KLHL1: variants seen among roughly 807,000 people sequenced by gnomAD.
The protein encoded by KLHL1 is kelch like family member 1.
KLHL1 carries 47 observed loss-of-function variants against 77.7 expected under a neutral mutation model. That is an observed-to-expected ratio of 0.60 (90% CI 0.48 to 0.77). The LOEUF is 0.77. Among genes scored for constraint, KLHL1 ranks in the 30% least tolerant of loss-of-function variants. The pLI, the probability that KLHL1 is intolerant of heterozygous loss-of-function variation, is 0.00. For missense variants in KLHL1, 925 were observed against 910.8 expected, an observed-to-expected ratio of 1.02 and a Z score of -0.20; for synonymous variants, 360 against 325.2, an observed-to-expected ratio of 1.11 and a Z score of -1.15.
At chr13:70,061,512 T>C (rs1886885477) in intron 1 of KLHL1, among the ~76,000 whole-genome samples, 1 of 152,096 alleles carries the variant, frequency 6.6e-6, no homozygotes, top group Admixed American at 6.6e-5. Context: ...CTCTCTTTAT[T>C]TCCCTTTATC....
chr13:70,048,895 A>T (rs553303273), intron 1 of KLHL1, among the ~76,000 whole-genome samples: 35 of 152,300 alleles, frequency 2.3e-4, no homozygotes, highest in African/African-American at 7.5e-4. Flanking sequence ...TGAAAGGGGC[A>T]GAAAGTAGGC....
chr13:69,999,186 C>A (rs759036895), intron 1 of KLHL1, among the ~76,000 whole-genome samples: 2 of 152,036 alleles, frequency 1.3e-5, no homozygotes. Context: ...TATAATGTAA[C>A]ATAATCACAG....
chr13:69,832,954 A>C (rs1878822293), intron 6 of KLHL1, among the ~76,000 whole-genome samples: 1 of 152,184 alleles, frequency 6.6e-6, no homozygotes, highest in African/African-American at 2.4e-5. Context: ...AATCAACTCA[A>C]TATGAATCAA....
chr13:69,778,587 G>A (rs1875954526), intron 7 of KLHL1, among the ~76,000 whole-genome samples: 1 of 152,060 alleles, frequency 6.6e-6, no homozygotes, highest in African/African-American at 2.4e-5. Context: ...AAATCATGTT[G>A]AAGATTACTC....
chr13:70,101,356 AG>A (rs1330875365), intron 1 of KLHL1, among the ~76,000 whole-genome samples: 10 of 152,084 alleles, frequency 6.6e-5, no homozygotes, highest in Non-Finnish European at 1.5e-4. Context: ...TATAAACTAC[AG>A]TTTATACTAC....
intron 9 of KLHL1, among the ~76,000 whole-genome samples, 160 bp downstream of exon 9, chr13:69,719,209 T>TGTGA (rs879782405): frequency 7.3e-4 from 27 of 36,862 alleles, no homozygotes; most frequent in Non-Finnish European, 9.7e-4. Flanking sequence ...TGTGTGTGTG[T>TGTGA]GAGAGAGAGA....
intron 8 of KLHL1, among the ~76,000 whole-genome samples, chr13:69,732,848 G>A (rs1239128513): frequency 6.6e-6 from 1 of 152,054 alleles, no homozygotes; most frequent in Admixed American, 6.6e-5. Context: ...TGGGTCCCAG[G>A]TCTTTCCTTC....
chr13:70,020,079 A>C (rs2439665), intron 1 of KLHL1, among the ~76,000 whole-genome samples: 112,040 of 151,950 alleles, frequency 0.74, 41,414 homozygotes, highest in East Asian at 0.85. Context: ...CTTGGACTTC[A>C]CAGCCTTCAT....
chr13:69,775,820 G>T (rs945499620), intron 7 of KLHL1, among the ~76,000 whole-genome samples: 5 of 151,632 alleles, frequency 3.3e-5, no homozygotes, highest in Admixed American at 6.6e-5. Context: ...CACGGAAAGG[G>T]GCTCTCCCAA....
At chr13:70,007,503 T>A (rs1885433848) in intron 1 of KLHL1, among the ~76,000 whole-genome samples, 1 of 151,604 alleles carries the variant, frequency 6.6e-6, no homozygotes, top group South Asian at 2.1e-4. Flanking sequence ...GTTCCTGGCA[T>A]ACATAGGATA....
intron 7 of KLHL1, among the ~76,000 whole-genome samples, chr13:69,741,513 G>A (rs562495588): frequency 1.3e-5 from 2 of 152,046 alleles, no homozygotes; most frequent in Non-Finnish European, 2.9e-5. Context: ...ATTACTCATA[G>A]CAACAGCAAT....
intron 1 of KLHL1, among the ~76,000 whole-genome samples, chr13:70,075,600 C>CACAT (rs1212475485): frequency 1.3e-4 from 8 of 63,634 alleles, no homozygotes; most frequent in African/African-American, 4.9e-4. Flanking sequence ...CACACACACA[C>CACAT]ATATATATAG....
intron 9 of KLHL1, among the ~76,000 whole-genome samples, chr13:69,715,424 C>G (rs1229142851): frequency 6.6e-6 from 1 of 152,044 alleles, no homozygotes; most frequent in East Asian, 1.9e-4. Flanking sequence ...TGCCCGCTTC[C>G]CCTTCTCCCA....
intron 7 of KLHL1, among the ~76,000 whole-genome samples, chr13:69,790,980 A>AAACAT (rs1367131542): frequency 6.6e-6 from 1 of 152,160 alleles, no homozygotes; most frequent in African/African-American, 2.4e-5. Context: ...AAAAAAGGAG[A>AAACAT]AACATATTTA....
chr13:70,045,458 G>C (rs1298317264), intron 1 of KLHL1, among the ~76,000 whole-genome samples: 3 of 152,044 alleles, frequency 2.0e-5, no homozygotes, highest in Non-Finnish European at 2.9e-5. Flanking sequence ...CTGTCAGAAA[G>C]AGGGCTAGAA....
intron 7 of KLHL1, among the ~76,000 whole-genome samples, chr13:69,784,961 C>T (rs1876440783): frequency 7.2e-6 from 1 of 138,542 alleles, no homozygotes; most frequent in African/African-American, 2.7e-5. Flanking sequence ...GGGATCTCAG[C>T]TCACTGCAAG....
chr13:69,961,587 T>C, intron 2 of KLHL1, 143 bp from the exon 3 acceptor site: 1 of 832,236 alleles, frequency 1.2e-6, no homozygotes, highest in Non-Finnish European at 1.8e-6. Flanking sequence ...GAGTTGTACT[T>C]TACAAAACTG....
chr13:69,765,136 G>A (rs1226612468), intron 7 of KLHL1, among the ~76,000 whole-genome samples: 1 of 151,034 alleles, frequency 6.6e-6, no homozygotes, highest in East Asian at 2.0e-4. Context: ...TTTTCGAGTA[G>A]AGATGGGATT....
intron 5 of KLHL1, among the ~76,000 whole-genome samples, chr13:69,857,142 C>T (rs887335477): frequency 1.1e-4 from 16 of 152,016 alleles, no homozygotes; most frequent in Non-Finnish European, 5.9e-5. Context: ...GACTTCTATG[C>T]TGTAGATTTT....
Sources: gnomAD v4.1 joint callset for allele counts (sites outside exome capture counted in the v4.1 genomes callset) on GRCh38, gnomAD v4.1.1 for gene constraint, MANE v1.5 for transcripts, NCBI Gene and HGNC (gene_info 2026-07-23, HGNC 2026-07-21) for gene names.